Variants in CNBD1 observed in about 807,000 individuals in gnomAD.
CNBD1 encodes cyclic nucleotide binding domain containing 1, also known as cyclic nucleotide-binding domain-containing protein 1.
Under a neutral mutation model 54.4 loss-of-function variants are expected in CNBD1, and 71 were observed. The observed-to-expected ratio is 1.30, with a 90% CI of 1.08 to 1.59. The LOEUF is 1.59. CNBD1 is among the 40% of genes most tolerant of loss of function. The probability of loss-of-function intolerance (pLI) is 0.00; values close to 1 mark genes in which losing one functional copy is unlikely to be tolerated. For missense variants in CNBD1, 659 were observed against 518.0 expected (o/e 1.27, Z -2.64); for synonymous variants, 182 against 170.7 (o/e 1.07, Z -0.51).
intron 9 of CNBD1, among the ~76,000 whole-genome samples, chr8:87,352,977 A>G (rs558150717): frequency 6.6e-6 from 1 of 152,226 alleles, no homozygotes; most frequent in African/African-American, 2.4e-5. Context: ...TCTCTTTTAT[A>G]TATCTTAGTG....
chr8:87,250,207 A>G (rs761667923), intron 6 of CNBD1, among the ~76,000 whole-genome samples: 2 of 152,248 alleles, frequency 1.3e-5, no homozygotes, highest in African/African-American at 2.4e-5. Context: ...CTAATGGCCA[A>G]CAGATATATG....
At chr8:86,874,986 T>TTATATATATATATATATATA (rs10584669) in intron 1 of CNBD1, among the ~76,000 whole-genome samples, 58 of 120,096 alleles carry the variant, frequency 4.8e-4, no homozygotes, top group Non-Finnish European at 5.9e-4. Flanking sequence ...GTAAATCAAT[T>TTATATATATATATATATATA]TATATATATA....
At chr8:87,389,934 A>G (rs1473282983) in intron 2 of CNBD1, among the ~76,000 whole-genome samples, 5 of 152,182 alleles carry the variant, frequency 3.3e-5, no homozygotes, top group Non-Finnish European at 7.3e-5. Flanking sequence ...AGCCCTCAGA[A>G]ATAATGCCAC....
intron 6 of CNBD1, among the ~76,000 whole-genome samples, chr8:87,265,724 G>T (rs537293821): frequency 6.6e-6 from 1 of 152,070 alleles, no homozygotes; most frequent in South Asian, 2.1e-4. Context: ...TATCATTTAT[G>T]ACTGCTTTCT....
In CNBD1 at chr8:86,940,132, C is replaced by CTTTT. The variant is rs10671983; in HGVS notation, c.431+394_431+397dup. Among the ~76,000 whole-genome samples the CTTTT allele has an allele frequency of 2.8e-4, 25 of 88,728 alleles. 3 individuals carry two copies. Among genetic ancestry groups the CTTTT allele is most frequent in the African/African-American group, 8.7e-4 (19 of 21,930 alleles). 58.2% of individuals were successfully genotyped at this position (88,728 alleles called of 152,430 possible). On this transcript the variant is annotated intron_variant, in intron 4 of 10. Transcript: ENST00000518476. Reference sequence around the variant, plus strand: ...CTTTAAATAAACTTACCACATGTTACTTTTTTTTTTTTTTTTTTTGAGACT... The same window carrying CTTTT: ...CTTTAAATAAACTTACCACATGTTACTTTTTTTTTTTTTTTTTTTTTTTGAGACT...
chr8:87,133,627 G>T lies in CNBD1; in HGVS notation c.432-72366G>T, dbSNP rs967190683. 4.6e-5 allele frequency among the ~76,000 whole-genome samples: 7 copies of T among 151,896 alleles called. No individual in the cohort carries two copies. In the South Asian group the frequency reaches 1.5e-3, roughly 32 times the overall value. Reference sequence around the variant, plus strand: ...TTCATGTTCATTTTCTACTAGGTGGGGTGCTTGCACTGATTAATAGCCTGA... The same window carrying T: ...TTCATGTTCATTTTCTACTAGGTGGTGTGCTTGCACTGATTAATAGCCTGA... On this transcript the variant is annotated intron_variant, in intron 4 of 10. Coordinates refer to ENST00000518476, the MANE Select transcript of CNBD1 (RefSeq NM_173538.3).
chr8:87,340,849 T>A (rs1200375767), intron 8 of CNBD1, among the ~76,000 whole-genome samples: 2 of 152,230 alleles, frequency 1.3e-5, no homozygotes, highest in East Asian at 3.9e-4. Context: ...TATTTTGAAT[T>A]TTTTGTTGGG....
intron 4 of CNBD1, among the ~76,000 whole-genome samples, chr8:87,092,914 AT>A (rs1335476723): frequency 6.6e-6 from 1 of 151,984 alleles, no homozygotes; most frequent in East Asian, 1.9e-4. Context: ...TGAATTCGAA[AT>A]TGCTCCTCCC....
At chr8:86,955,000 C>A (rs2130455494) in intron 4 of CNBD1, among the ~76,000 whole-genome samples, 1 of 138,436 alleles carries the variant, frequency 7.2e-6, no homozygotes, top group East Asian at 2.3e-4. Context: ...CACTCCATGA[C>A]AGGCCCCAGT....
At chr8:87,380,012 G>A (rs993748440) in intron 10 of CNBD1, among the ~76,000 whole-genome samples, 2 of 151,762 alleles carry the variant, frequency 1.3e-5, no homozygotes, top group African/African-American at 4.8e-5. Flanking sequence ...ATCCACTGGT[G>A]CCACTTGGGA....
intron 4 of CNBD1, among the ~76,000 whole-genome samples, chr8:87,121,168 A>G (rs1413358818): frequency 2.0e-5 from 3 of 151,830 alleles, no homozygotes; most frequent in Admixed American, 2.0e-4. Context: ...AAAAGGCCCT[A>G]CAGTTAAAAG....
In CNBD1 at chr8:87,092,431, A is replaced by ATGTGTGTGTGTGTATATATATACACATG. The variant is rs1390938972; in HGVS notation, c.432-113551_432-113550insGTATATATATACACATGTGTGTGTGTGT. On this transcript the variant is annotated intron_variant, in intron 4 of 10. Transcript: ENST00000518476. ...TATATGTGTGTGTATGTATGTATGT[A>ATGTGTGTGTGTGTATATATATACACATG]TGTGTGTGTGTATATATATACACAT... 3.0e-3 allele frequency among the ~76,000 whole-genome samples: 344 copies of ATGTGTGTGTGTGTATATATATACACATG among 113,540 alleles called. 18 individuals are homozygous for ATGTGTGTGTGTGTATATATATACACATG. Among genetic ancestry groups the ATGTGTGTGTGTGTATATATATACACATG allele is most frequent in the African/African-American group, 0.012 (334 of 27,900 alleles). The allele number at this position is 113,540 out of a possible 152,430, so 74.5% of individuals were successfully genotyped here. A position where few individuals can be genotyped will look rare whatever the true frequency, so the allele number is the denominator to read the frequency against.
At chr8:87,400,838 G>T (rs1411048091) in intron 2 of CNBD1, among the ~76,000 whole-genome samples, 1 of 151,822 alleles carries the variant, frequency 6.6e-6, no homozygotes, top group Non-Finnish European at 1.5e-5. Context: ...TTTCAACTTT[G>T]GCTGCTTATT....
In CNBD1 at chr8:87,163,365, T is replaced by A. The variant is rs1481856804; in HGVS notation, c.432-42628T>A. 5.3e-5 allele frequency among the ~76,000 whole-genome samples: 8 copies of A among 151,648 alleles called. No individual in the cohort carries two copies. Among genetic ancestry groups the A allele is most frequent in the African/African-American group, 1.9e-4 (8 of 41,288 alleles). On this transcript the variant is annotated intron_variant, in intron 4 of 10. Coordinates refer to ENST00000518476, the MANE Select transcript of CNBD1 (RefSeq NM_173538.3). This position sits in a 1 kb window ranked among gnomAD's most constrained non-coding sequence, Gnocchi z 4.5. ...TTTTCCATTTCTGTAAAAAAAAAAA[T>A]TAGAATTTTGATAGAGATTGCATTG...
intron 10 of CNBD1, among the ~76,000 whole-genome samples, chr8:87,372,859 T>G (rs962499005): frequency 6.6e-6 from 1 of 151,782 alleles, no homozygotes; most frequent in Non-Finnish European, 1.5e-5. Flanking sequence ...CCATGGTATT[T>G]TCCACTTTTT....
At chr8:87,243,742 C>A (rs1171992506) in intron 6 of CNBD1, among the ~76,000 whole-genome samples, 1 of 151,994 alleles carries the variant, frequency 6.6e-6, no homozygotes, top group Admixed American at 6.6e-5. Context: ...ATTCGTGACA[C>A]AAAACAGGAG....
At chr8:86,952,893 C>T (rs1037364801) in intron 4 of CNBD1, among the ~76,000 whole-genome samples, 2 of 152,104 alleles carry the variant, frequency 1.3e-5, no homozygotes, top group Non-Finnish European at 2.9e-5. Flanking sequence ...ACCCTCTGTT[C>T]CAAGCAACCA....
At chr8:87,376,818 G>A (rs1476732079) in intron 10 of CNBD1, among the ~76,000 whole-genome samples, 1 of 151,812 alleles carries the variant, frequency 6.6e-6, no homozygotes, top group Non-Finnish European at 1.5e-5. Flanking sequence ...ATTGGAGCCA[G>A]AATTCGGACC....
At chr8:87,389,907 C>T (rs560692284) in intron 2 of CNBD1, among the ~76,000 whole-genome samples, 1,766 of 152,094 alleles carry the variant, frequency 0.012, 10 homozygotes, top group Middle Eastern at 0.017. Flanking sequence ...GAGATATAGA[C>T]CAATGGAACA....
Sources: allele counts gnomAD v4.1 joint callset (sites outside exome capture counted in the v4.1 genomes callset), GRCh38; gene constraint gnomAD v4.1.1; non-coding constraint Gnocchi (gnomAD v3.1); transcripts MANE v1.5; gene names NCBI Gene and HGNC (gene_info 2026-07-23, HGNC 2026-07-21).